Variants in CAPRIN1 observed in about 807,000 individuals in gnomAD.
The protein encoded by CAPRIN1 is caprin-1.
A neutral mutation model predicts 100.9 loss-of-function variants in CAPRIN1; 29 were observed. The observed-to-expected ratio is 0.29, with a 90% CI of 0.21 to 0.39. The LOEUF (loss-of-function observed/expected upper bound fraction) is 0.39. Among genes scored for constraint, CAPRIN1 ranks in the 10% least tolerant of loss-of-function variants. The pLI, the probability that CAPRIN1 is intolerant of heterozygous loss-of-function variation, is 1.00. For synonymous variants in CAPRIN1, 338 were observed against 307.5 expected (o/e 1.10, Z -1.04); for missense variants, 795 against 876.7 (o/e 0.91, Z 1.18).
intron 6 of CAPRIN1, 94 bp downstream of exon 6, chr11:34,076,736 G>GT (rs369382547): frequency 0.28 from 174,073 of 632,384 alleles, 472 homozygotes; most frequent in South Asian, 0.33. Context: ...AAAAAAATTA[G>GT]TTTTTTTTTT....
At chr11:34,056,068 T>C (rs1249989598) in intron 2 of CAPRIN1, among the ~76,000 whole-genome samples, 1 of 152,208 alleles carries the variant, frequency 6.6e-6, no homozygotes, top group Non-Finnish European at 1.5e-5. Flanking sequence ...TAAAATAGGA[T>C]TGCTTTACAA....
intron 18 of CAPRIN1, chr11:34,098,814 T>C: frequency 1.0e-6 from 1 of 984,070 alleles, no homozygotes. Context: ...CATTATACAG[T>C]TTTGAATGTT....
intron 12 of CAPRIN1, 48 bp downstream of exon 12, chr11:34,089,504 T>C (rs1851223505): frequency 1.8e-6 from 2 of 1,091,270 alleles, no homozygotes; most frequent in Admixed American, 1.8e-5. Context: ...AGGTGGCTCG[T>C]ACCTATAATC....
intron 15 of CAPRIN1, among the ~76,000 whole-genome samples, chr11:34,095,605 G>A (rs1048104478): frequency 2.6e-5 from 4 of 152,202 alleles, no homozygotes; most frequent in African/African-American, 9.7e-5. Context: ...GGGAGATTTG[G>A]GTTGGCCAGC....
chr11:34,076,258 C>A lies in CAPRIN1; in HGVS notation c.389C>A (p.Thr130Lys), dbSNP rs1850904800. The A allele has an allele frequency of 6.2e-7, 1 of 1,613,630 alleles. No homozygotes were observed. Among genetic ancestry groups the A allele is most frequent in the African/African-American group, 1.3e-5 (1 of 74,896 alleles). Residue 130 changes from threonine (T) to lysine (K), a missense_variant, in exon 5 of 19, where the codon ACA (threonine) becomes AAA (lysine). By Grantham distance (78) the Thr-to-Lys change is moderately conservative (BLOSUM62 -1). Transcript: ENST00000341394. ...CAGATTCAGAAAACAATAAAGAAGA[C>A]AGCACGTCGGGAGCAGCTTATGAGA... Reference protein sequence around the residue: ...SQDIQKTIKKTARREQLMREE... With the variant: ...SQDIQKTIKKKARREQLMREE...
rs562270164 is a variant in CAPRIN1 at position 34,087,491 on chromosome 11, A to G, written c.1231+1078A>G. Among the ~76,000 whole-genome samples, 682 of 142,748 alleles carry G rather than the reference A, an allele frequency of 4.8e-3. 47 individuals are homozygous for G. The highest frequency in any genetic ancestry group is 0.016 in the African/African-American group (584 of 37,254). The allele number at this position is 142,748 out of a possible 152,430, so 93.6% of individuals were successfully genotyped here. On this transcript the variant is annotated intron_variant, in intron 11 of 18. Transcript: ENST00000341394. ...TGGGACTACAGGCGCCCGCCACTAC[A>G]CCCGGCTAATTTTTTGTATTTTTAG...
chr11:34,061,924 C>T (rs1004878273), intron 2 of CAPRIN1, among the ~76,000 whole-genome samples: 9 of 148,614 alleles, frequency 6.1e-5, no homozygotes, highest in African/African-American at 1.8e-4. Context: ...GAGCCAAGAT[C>T]GCACCACTAC....
At chr11:34,077,475 A>G (rs896620917) in intron 6 of CAPRIN1, among the ~76,000 whole-genome samples, 2 of 152,078 alleles carry the variant, frequency 1.3e-5, no homozygotes, top group Non-Finnish European at 2.9e-5. Context: ...TTTCTTTGTG[A>G]GCTCCTTATT....
rs1201242354 is a variant in CAPRIN1 at position 34,071,920 on chromosome 11, A to G, written c.299A>G (p.Gln100Arg). ...TTTTAGGATGCCGTTTCTAAGTACC[A>G]GGAAGTCACAAATAATTTGGAGTTT... The part of the protein sequence containing the change: ...QDQLDAVSKY[Q>R]EVTNNLEFAK... Residue 100 changes from glutamine to arginine, a missense_variant, in exon 4 of 19, where the codon CAG becomes CGG. This residue lies in a region of CAPRIN1 where 38 missense variants were observed against 92.3 expected (regional missense o/e 0.41). Transcript: ENST00000341394. 1.9e-6 allele frequency: 3 copies of G among 1,613,378 alleles called. No individual in the cohort carries two copies. Among genetic ancestry groups the G allele is most frequent in the Non-Finnish European group, 1.7e-6 (2 of 1,179,580 alleles).
At chr11:34,091,257 C>T (rs1478676705) in intron 14 of CAPRIN1, among the ~76,000 whole-genome samples, 2 of 152,188 alleles carry the variant, frequency 1.3e-5, no homozygotes, top group African/African-American at 2.4e-5. Context: ...GAACAAACTT[C>T]TGTAAGTGGT....
At chr11:34,096,315 G>A in intron 15 of CAPRIN1, 164 bp from the exon 16 acceptor site, 1 of 555,192 alleles carries the variant, frequency 1.8e-6, no homozygotes, top group Non-Finnish European at 3.1e-6. Flanking sequence ...TAGGAGAAAG[G>A]TAAGAGACTT....
At chr11:34,063,682 A>AT (rs1336974000) in intron 2 of CAPRIN1, among the ~76,000 whole-genome samples, 1 of 152,152 alleles carries the variant, frequency 6.6e-6, no homozygotes, top group East Asian at 1.9e-4. Flanking sequence ...CTGTAAATGG[A>AT]TTTTTAATAC....
At position 34,056,033 on chromosome 11, in the gene CAPRIN1, G is replaced by A. The variant is rs1850442916; in HGVS notation, c.216+3397G>A. 3.9e-5 allele frequency among the ~76,000 whole-genome samples: 6 copies of A among 152,286 alleles called. No homozygotes were observed. In the South Asian group the frequency reaches 1.2e-3, roughly 32 times the overall value. On this transcript the variant is annotated intron_variant, in intron 2 of 18. Coordinates refer to ENST00000341394, the MANE Select transcript of CAPRIN1 (RefSeq NM_005898.5). ...TGTGAGAAGACTTAACTGTTTTTAA[G>A]TATAAGTGAGCATTTCTAATGCACT...
chr11:34,068,016 T>C (rs1850732963), intron 2 of CAPRIN1, among the ~76,000 whole-genome samples: 1 of 152,232 alleles, frequency 6.6e-6, no homozygotes. Context: ...ACAAAGATTC[T>C]GCCTGTCAGG....
At chr11:34,066,804 T>G (rs145082413) in intron 2 of CAPRIN1, among the ~76,000 whole-genome samples, 2,566 of 150,486 alleles carry the variant, frequency 0.017, 53 homozygotes, top group African/African-American at 0.06. Context: ...TTTTGTATTT[T>G]TTTTTTTTCA....
intron 2 of CAPRIN1, among the ~76,000 whole-genome samples, chr11:34,057,294 T>C (rs1019040838): frequency 2.6e-5 from 4 of 152,212 alleles, no homozygotes; most frequent in Non-Finnish European, 5.9e-5. Flanking sequence ...TCCCTTTGCT[T>C]GACTGTGTGT....
intron 2 of CAPRIN1, among the ~76,000 whole-genome samples, chr11:34,065,178 G>A (rs1850664807): frequency 6.6e-6 from 1 of 151,860 alleles, no homozygotes; most frequent in Non-Finnish European, 1.5e-5. Context: ...TAGCCAGGAT[G>A]GTCTCGATCT....
At chr11:34,080,339 C>T (rs1477541763) in intron 7 of CAPRIN1, among the ~76,000 whole-genome samples, 1 of 152,130 alleles carries the variant, frequency 6.6e-6, no homozygotes, top group Non-Finnish European at 1.5e-5. Flanking sequence ...ATAGATAGTT[C>T]TTTTGCAGTA....
chr11:34,089,610 A>G (rs1851225681), intron 12 of CAPRIN1, among the ~76,000 whole-genome samples, 154 bp downstream of exon 12: 1 of 152,154 alleles, frequency 6.6e-6, no homozygotes, highest in Admixed American at 6.5e-5. Context: ...CTATTTTAAA[A>G]AAATAATTAA....
Sources: allele counts gnomAD v4.1 joint callset (sites outside exome capture counted in the v4.1 genomes callset), GRCh38; gene constraint gnomAD v4.1.1; regional missense constraint gnomAD v4.1.1; transcripts MANE v1.5; gene names NCBI Gene and HGNC (gene_info 2026-07-23, HGNC 2026-07-21).